TIAM1: variants seen among roughly 807,000 people sequenced by gnomAD.
TIAM1 encodes the protein TIAM Rac1 associated GEF 1.
Under a neutral mutation model 163.5 loss-of-function variants are expected in TIAM1, and 65 were observed. That is an observed-to-expected ratio of 0.40 (90% confidence interval 0.33 to 0.49). The LOEUF (loss-of-function observed/expected upper bound fraction) is 0.49, where lower values mean the gene tolerates loss of function less well. Among genes scored for constraint, TIAM1 ranks in the 20% least tolerant of loss-of-function variants. The pLI, the probability that TIAM1 is intolerant of heterozygous loss-of-function variation, is 0.77. For missense variants in TIAM1, 1,789 were observed against 2,044.7 expected (o/e 0.87, Z 2.41); for synonymous variants, 833 against 810.1 (o/e 1.03, Z -0.48).
At chr21:31,391,363 C>T (rs2076962052) in intron 2 of TIAM1, among the ~76,000 whole-genome samples, 1 of 152,038 alleles carries the variant, frequency 6.6e-6, no homozygotes, top group South Asian at 2.1e-4. Flanking sequence ...AATGGCTCAC[C>T]CCTGTAATCC....
At chr21:31,228,219 TTAAAAAAAAAAAAAAAAAAAAAAAAA>T (rs1414122913) in intron 6 of TIAM1, among the ~76,000 whole-genome samples, 2 of 17,628 alleles carry the variant, frequency 1.1e-4, no homozygotes, top group African/African-American at 2.2e-4. Flanking sequence ...CCTCCTTTTT[TTAAAAAAAAAAAAAAAAAAAAAAAAA>T]AAAAAAAAAA....
intron 8 of TIAM1, among the ~76,000 whole-genome samples, chr21:31,220,796 AATG>A (rs1341226916): frequency 6.6e-6 from 1 of 152,226 alleles, no homozygotes; most frequent in Non-Finnish European, 1.5e-5. Context: ...AGAGTTTCCC[AATG>A]ATCTTTGCCC....
intron 16 of TIAM1, chr21:31,160,740 G>A (rs532651663): frequency 1.7e-4 from 63 of 374,920 alleles, no homozygotes; most frequent in African/African-American, 1.3e-3. Flanking sequence ...AGACCCCGGA[G>A]CTGCACTCGC....
At position 31,181,737 on chromosome 21, in the gene TIAM1, A is replaced by ACTTGTT. The variant is rs1568980421; in HGVS notation, c.2887+683_2887+684insAACAAG. ...CTCAGCATCTTATGTGATTCCCAGC[A>ACTTGTT]CTTCTTCTTCTTCTTCTTCTTTTTT... On this transcript the variant is annotated intron_variant, in intron 15 of 27. Transcript: ENST00000541036. 1.5e-3 allele frequency among the ~76,000 whole-genome samples: 111 copies of ACTTGTT among 73,874 alleles called. 3 individuals carry two copies. Among genetic ancestry groups the ACTTGTT allele is most frequent in the Admixed American group, 5.3e-3 (26 of 4,932 alleles). The allele number at this position is 73,874 out of a possible 152,430, so 48.5% of individuals were successfully genotyped here. A position where few individuals can be genotyped will look rare whatever the true frequency, so the allele number is the denominator to read the frequency against.
At chr21:31,187,189 C>T (rs1286798092) in intron 13 of TIAM1, 102 bp from the exon 14 acceptor site, 284 of 1,099,710 alleles carry the variant, frequency 2.6e-4, no homozygotes, top group Non-Finnish European at 7.9e-5. Flanking sequence ...TCATGTTTGT[C>T]ATTATAGTTT....
chr21:31,412,519 C>T (rs889717580), intron 2 of TIAM1, among the ~76,000 whole-genome samples: 4 of 151,990 alleles, frequency 2.6e-5, no homozygotes, highest in Admixed American at 6.6e-5. Flanking sequence ...CAGTGGCTCA[C>T]GCCTATAATC....
chr21:31,477,136 C>A (rs1262485692), intron 1 of TIAM1, among the ~76,000 whole-genome samples: 1 of 152,132 alleles, frequency 6.6e-6, no homozygotes. Context: ...GGGGAAATTG[C>A]CCTTTTGGTA....
intron 5 of TIAM1, among the ~76,000 whole-genome samples, chr21:31,250,165 A>G (rs550193937): frequency 3.4e-5 from 5 of 147,860 alleles, no homozygotes; most frequent in Admixed American, 1.3e-4. Context: ...AAAAAAAAAA[A>G]AAAAAAGAAA....
intron 2 of TIAM1, among the ~76,000 whole-genome samples, chr21:31,350,995 GA>G (rs1401504928): frequency 6.6e-6 from 1 of 152,192 alleles, no homozygotes; most frequent in East Asian, 1.9e-4. Flanking sequence ...GAAACGTGTT[GA>G]TGAGAATCCA....
At chr21:31,124,790 G>T in intron 26 of TIAM1, 96 bp from the exon 27 acceptor site, 1 of 1,099,644 alleles carries the variant, frequency 9.1e-7, no homozygotes, top group Non-Finnish European at 1.3e-6. Flanking sequence ...TATCCCTTAG[G>T]GCCAAAGGCT....
intron 10 of TIAM1, 56 bp downstream of exon 10, chr21:31,213,342 T>C: frequency 2.1e-6 from 3 of 1,442,434 alleles, no homozygotes; most frequent in Non-Finnish European, 2.9e-6. Context: ...CTGCACCATG[T>C]ATATGTTGAT....
intron 23 of TIAM1, among the ~76,000 whole-genome samples, chr21:31,134,191 C>A (rs564285489): frequency 6.6e-6 from 1 of 152,298 alleles, no homozygotes; most frequent in South Asian, 2.1e-4. Context: ...ATCTGTAAAA[C>A]TGAGGGCAAA....
intron 20 of TIAM1, among the ~76,000 whole-genome samples, chr21:31,143,953 C>T (rs757341983): frequency 6.6e-6 from 1 of 151,816 alleles, no homozygotes; most frequent in Non-Finnish European, 1.5e-5. Context: ...AGGTTGGTCT[C>T]GAACTCCTGA....
chr21:31,209,330 C>A (rs980846009), intron 11 of TIAM1, among the ~76,000 whole-genome samples: 6 of 152,238 alleles, frequency 3.9e-5, no homozygotes, highest in Non-Finnish European at 7.3e-5. Flanking sequence ...TCTTTCCTCT[C>A]TCTCCCCTCA....
chr21:31,479,643 A>G (rs1360195344), intron 1 of TIAM1, among the ~76,000 whole-genome samples: 1 of 152,214 alleles, frequency 6.6e-6, no homozygotes, highest in Admixed American at 6.5e-5. Flanking sequence ...ACTACAAATC[A>G]GGCCTCTTTA....
At chr21:31,451,485 A>G (rs940386837) in intron 2 of TIAM1, among the ~76,000 whole-genome samples, 1 of 152,162 alleles carries the variant, frequency 6.6e-6, no homozygotes. Context: ...TGATGATTCT[A>G]ACATAAAGAA....
At chr21:31,267,045 T>G in intron 3 of TIAM1, 62 bp from the exon 4 acceptor site, 1 of 1,510,242 alleles carries the variant, frequency 6.6e-7, no homozygotes. Context: ...ATAGGCATCT[T>G]AGAGAAAGCG....
At chr21:31,165,774 TTAAA>T (rs1365911750) in intron 15 of TIAM1, among the ~76,000 whole-genome samples, 1 of 152,132 alleles carries the variant, frequency 6.6e-6, no homozygotes, top group African/African-American at 2.4e-5. Flanking sequence ...ACTAAAATAA[TTAAA>T]TAAGCCATAC....
chr21:31,134,358 G>C (rs888222094), intron 23 of TIAM1, among the ~76,000 whole-genome samples: 3 of 152,050 alleles, frequency 2.0e-5, no homozygotes, highest in African/African-American at 7.2e-5. Flanking sequence ...CACTATAGAA[G>C]AAACACAAGT....
Sources: gnomAD v4.1 joint callset for allele counts (sites outside exome capture counted in the v4.1 genomes callset) on GRCh38, gnomAD v4.1.1 for gene constraint, MANE v1.5 for transcripts, NCBI Gene and HGNC (gene_info 2026-07-23, HGNC 2026-07-21) for gene names.